The following NRXN3 variants were observed in gnomAD, a reference collection of about 807,000 sequenced individuals.
NRXN3 encodes neurexin III.
In NRXN3, 32 loss-of-function variants were observed where a neutral mutation model predicts 137.6. The ratio of observed to expected loss-of-function variants is 0.23; its 90% confidence interval spans 0.18 to 0.31. NRXN3 has a LOEUF of 0.31. Ranked by LOEUF, NRXN3 falls within the 10% of genes least tolerant of loss-of-function variation. The pLI is 1.00. For synonymous variants in NRXN3, 798 were observed against 784.5 expected (o/e 1.02, Z -0.29); for missense variants, 1,574 against 2,062.5 (o/e 0.76, Z 4.59).
chr14:79,542,070 A>C (rs1195438101), intron 16 of NRXN3, among the ~76,000 whole-genome samples: 2 of 152,212 alleles, frequency 1.3e-5, no homozygotes, highest in Non-Finnish European at 2.9e-5. Context: ...ACTGTTTGCT[A>C]TTTTGTGGGT....
intron 8 of NRXN3, among the ~76,000 whole-genome samples, chr14:78,773,914 GC>G (rs368142841): frequency 3.9e-4 from 60 of 152,170 alleles, no homozygotes; most frequent in African/African-American, 1.2e-3. Context: ...CGATTCTCCT[GC>G]CTCAGCCTCC....
chr14:79,199,658 G>A (rs1412160378), intron 15 of NRXN3, among the ~76,000 whole-genome samples: 1 of 152,178 alleles, frequency 6.6e-6, no homozygotes, highest in Non-Finnish European at 1.5e-5. Context: ...ATGTGGATGA[G>A]GAAGACCACC....
intron 6 of NRXN3, among the ~76,000 whole-genome samples, chr14:78,676,645 G>A (rs1394153068): frequency 6.6e-6 from 1 of 152,178 alleles, no homozygotes; most frequent in African/African-American, 2.4e-5. Context: ...GATCATTGAT[G>A]AAGATGGCTA....
At chr14:78,915,380 GA>G (rs943169654) in intron 10 of NRXN3, among the ~76,000 whole-genome samples, 1 of 38,782 alleles carries the variant, frequency 2.6e-5, no homozygotes, top group East Asian at 6.4e-4. Flanking sequence ...AAACCACACA[GA>G]AAAAAAACAA....
intron 6 of NRXN3, among the ~76,000 whole-genome samples, chr14:78,658,717 A>G (rs10147605): frequency 0.021 from 3,165 of 152,304 alleles, 115 homozygotes; most frequent in African/African-American, 0.072. Context: ...AGCATAGAAC[A>G]CACATTATTG....
chr14:79,484,653 G>C (rs1415643618), intron 16 of NRXN3, among the ~76,000 whole-genome samples: 1 of 152,086 alleles, frequency 6.6e-6, no homozygotes, highest in Non-Finnish European at 1.5e-5. Context: ...TTGATTTTGT[G>C]CTTCCTCTCA....
chr14:78,563,119 A>G (rs373911909), intron 4 of NRXN3, among the ~76,000 whole-genome samples: 1 of 152,220 alleles, frequency 6.6e-6, no homozygotes, highest in Admixed American at 6.5e-5. Context: ...CAGGATGGCA[A>G]CTGGGTTCCA....
At chr14:79,656,340 A>G (rs1401420974) in intron 16 of NRXN3, among the ~76,000 whole-genome samples, 2 of 152,132 alleles carry the variant, frequency 1.3e-5, no homozygotes, top group Non-Finnish European at 2.9e-5. Context: ...GGGCTGGGGC[A>G]CCTATGGAAA....
intron 16 of NRXN3, among the ~76,000 whole-genome samples, chr14:79,653,970 T>G (rs1394199751): frequency 6.6e-6 from 1 of 152,220 alleles, no homozygotes; most frequent in African/African-American, 2.4e-5. Flanking sequence ...CTCTGGGTTT[T>G]ATACCCCAGG....
intron 8 of NRXN3, among the ~76,000 whole-genome samples, chr14:78,750,450 A>G (rs1473573071): frequency 6.6e-6 from 1 of 152,126 alleles, no homozygotes; most frequent in Non-Finnish European, 1.5e-5. Flanking sequence ...CCAAATTGGA[A>G]AGTTGGGGTG....
At chr14:78,511,589 A>G (rs994965617) in intron 4 of NRXN3, among the ~76,000 whole-genome samples, 2 of 152,136 alleles carry the variant, frequency 1.3e-5, no homozygotes, top group African/African-American at 4.8e-5. Context: ...ATGGAGAAAG[A>G]GATTTTGCAT....
intron 8 of NRXN3, among the ~76,000 whole-genome samples, chr14:78,721,049 T>C (rs570154325): frequency 1.3e-5 from 2 of 152,250 alleles, no homozygotes; most frequent in East Asian, 3.9e-4. Flanking sequence ...CTGCAAACTC[T>C]AATGCAATCT....
chr14:78,315,777 C>T (rs555002820), intron 4 of NRXN3, among the ~76,000 whole-genome samples: 32 of 152,030 alleles, frequency 2.1e-4, no homozygotes, highest in African/African-American at 6.5e-4. Context: ...TCCTCTTTAT[C>T]GTCTAAAAAG....
chr14:79,175,232 G>A (rs975048631), intron 15 of NRXN3, among the ~76,000 whole-genome samples: 2 of 151,994 alleles, frequency 1.3e-5, no homozygotes, highest in African/African-American at 2.4e-5. Context: ...CGCCTGCCTC[G>A]GCCTCCCAAA....
intron 6 of NRXN3, among the ~76,000 whole-genome samples, chr14:78,704,665 C>T (rs553793020): frequency 1.3e-5 from 2 of 152,212 alleles, no homozygotes; most frequent in South Asian, 4.2e-4. Context: ...ATCCTTACCC[C>T]AGTGCAGTCA....
chr14:78,795,273 T>C (rs924600387), intron 8 of NRXN3, among the ~76,000 whole-genome samples: 1 of 152,222 alleles, frequency 6.6e-6, no homozygotes, highest in Non-Finnish European at 1.5e-5. Flanking sequence ...CATAAAAAAG[T>C]AAATACTATG....
At chr14:78,348,767 A>C (rs992246069) in intron 4 of NRXN3, among the ~76,000 whole-genome samples, 1 of 152,176 alleles carries the variant, frequency 6.6e-6, no homozygotes, top group Non-Finnish European at 1.5e-5. Flanking sequence ...CTGTGTTTTC[A>C]TGAGCTCTGT....
At chr14:78,289,950 G>A (rs1206937681) in intron 3 of NRXN3, among the ~76,000 whole-genome samples, 3 of 147,568 alleles carry the variant, frequency 2.0e-5, no homozygotes, top group Non-Finnish European at 4.4e-5. Context: ...CTCAATGGTA[G>A]CTCTCATGTT....
chr14:79,603,709 G>GA lies in NRXN3; in HGVS notation c.3445-60059dup, dbSNP rs149819224. Among the ~76,000 whole-genome samples the GA allele has an allele frequency of 0.021, 3,042 of 147,168 alleles. 187 individuals carry two copies. The East Asian group carries it at 0.25, about 12-fold the overall frequency. On this transcript the variant is annotated intron_variant, in intron 16 of 20. Coordinates refer to ENST00000335750, the MANE Select transcript of NRXN3 (RefSeq NM_001330195.2). Reference sequence around the variant, plus strand: ...CAGAAAAGGTAGTCAATAAATGTTTGAAAAAAAAAATCCCAGTTTGATAAT... The same window carrying GA: ...CAGAAAAGGTAGTCAATAAATGTTTGAAAAAAAAAAATCCCAGTTTGATAAT...
Sources: allele counts gnomAD v4.1 joint callset (sites outside exome capture counted in the v4.1 genomes callset), GRCh38; gene constraint gnomAD v4.1.1; transcripts MANE v1.5; gene names NCBI Gene and HGNC (gene_info 2026-07-23, HGNC 2026-07-21).